Variants in SLC35F4 observed in about 807,000 individuals in gnomAD.
SLC35F4 encodes chromosome 14 open reading frame 36.
SLC35F4 carries 24 observed loss-of-function variants against 44.2 expected under a neutral mutation model. The observed-to-expected ratio is 0.54, with a 90% CI of 0.39 to 0.76. SLC35F4 has a LOEUF of 0.76. Ranked by LOEUF, SLC35F4 falls within the 30% of genes least tolerant of loss-of-function variation. The pLI is 0.00. For missense variants in SLC35F4, 562 were observed against 586.1 expected, an observed-to-expected ratio of 0.96 and a Z score of 0.42; for synonymous variants, 238 against 223.6, an observed-to-expected ratio of 1.06 and a Z score of -0.57.
At chr14:57,873,227 G>A (rs1888331197) in intron 1 of SLC35F4, among the ~76,000 whole-genome samples, 1 of 152,046 alleles carries the variant, frequency 6.6e-6, no homozygotes, top group Non-Finnish European at 1.5e-5. Context: ...AGGGTCAATT[G>A]CATTATAGTC....
intron 1 of SLC35F4, among the ~76,000 whole-genome samples, chr14:57,917,653 G>T (rs550419231): frequency 1.9e-4 from 29 of 152,130 alleles, no homozygotes; most frequent in Non-Finnish European, 1.9e-4. Context: ...CTATAGTCCT[G>T]TGATTAGGTC....
At chr14:57,734,470 A>T (rs545840327) in intron 1 of SLC35F4, among the ~76,000 whole-genome samples, 1 of 152,294 alleles carries the variant, frequency 6.6e-6, no homozygotes, top group East Asian at 1.9e-4. Context: ...TATAATTTTC[A>T]ATCTCTCTCT....
intron 1 of SLC35F4, among the ~76,000 whole-genome samples, chr14:57,785,759 G>A (rs536861608): frequency 1.8e-4 from 27 of 152,282 alleles, no homozygotes; most frequent in Admixed American, 9.2e-4. Context: ...CAGCAGAAAC[G>A]CCCTGGGAGC....
At chr14:57,686,276 C>G (rs887943543) in intron 1 of SLC35F4, among the ~76,000 whole-genome samples, 4 of 152,148 alleles carry the variant, frequency 2.6e-5, no homozygotes, top group Admixed American at 6.6e-5. Flanking sequence ...GAGTCAGTTA[C>G]TCACTTACCT....
intron 1 of SLC35F4, among the ~76,000 whole-genome samples, chr14:57,739,165 C>G (rs1015389368): frequency 1.3e-5 from 2 of 152,002 alleles, no homozygotes; most frequent in Admixed American, 1.3e-4. Flanking sequence ...AGTCTTGGGA[C>G]AGAGAGTCCT....
chr14:57,569,800 C>T lies in SLC35F4; in HGVS notation c.1114G>A (p.Gly372Arg). 6.2e-7 allele frequency: 1 copy of T among 1,600,912 alleles called. No individual in the cohort carries two copies. Among genetic ancestry groups the T allele is most frequent in the Non-Finnish European group, 8.5e-7 (1 of 1,175,300 alleles). ...LPWGCLCGMAGLWLAFNILVN... is the reference protein window; with the variant it reads ...LPWGCLCGMARLWLAFNILVN... Reference sequence around the variant, plus strand: ...CGAGGCCACTTACCCAGCCACAGCCCTGCCATCCCACAGAGACAGCCCCAT... The same window carrying T: ...CGAGGCCACTTACCCAGCCACAGCCTTGCCATCCCACAGAGACAGCCCCAT... Residue 372 changes from glycine (G) to arginine (R), a missense_variant, in exon 6 of 8, where the codon GGG becomes AGG. By Grantham distance (125) the Gly-to-Arg change is moderately radical (BLOSUM62 -2). Transcript: ENST00000556826.
At chr14:57,769,875 CA>C (rs1156414466) in intron 1 of SLC35F4, among the ~76,000 whole-genome samples, 2 of 152,152 alleles carry the variant, frequency 1.3e-5, no homozygotes, top group African/African-American at 4.8e-5. Flanking sequence ...ATTTTGATCA[CA>C]ATTTTTCACA....
At chr14:57,652,781 C>G (rs942315299) in intron 1 of SLC35F4, among the ~76,000 whole-genome samples, 1 of 152,148 alleles carries the variant, frequency 6.6e-6, no homozygotes, top group Non-Finnish European at 1.5e-5. Context: ...AAAATCCTGA[C>G]TTATGCTAAA....
chr14:57,861,759 G>A (rs1306784213), intron 1 of SLC35F4, among the ~76,000 whole-genome samples: 1 of 152,080 alleles, frequency 6.6e-6, no homozygotes, highest in Non-Finnish European at 1.5e-5. Context: ...GGCTTCCAGG[G>A]TAACACATGT....
At chr14:57,581,477 C>T (rs2069252301) in intron 3 of SLC35F4, 44 bp from the exon 4 acceptor site, 1 of 1,525,356 alleles carries the variant, frequency 6.6e-7, no homozygotes, top group South Asian at 1.2e-5. Flanking sequence ...CTGATGGTGA[C>T]ACCTCTTGTC....
At chr14:57,786,119 G>A (rs1053815854) in intron 1 of SLC35F4, among the ~76,000 whole-genome samples, 1 of 152,052 alleles carries the variant, frequency 6.6e-6, no homozygotes, top group Admixed American at 6.6e-5. Flanking sequence ...TTGCGTGGGA[G>A]CTGGGTGAGG....
chr14:57,569,011 C>A (rs1397802930), intron 6 of SLC35F4, among the ~76,000 whole-genome samples: 1 of 152,120 alleles, frequency 6.6e-6, no homozygotes, highest in East Asian at 1.9e-4. Context: ...GCTTAAAAGT[C>A]AGATCCTGGA....
intron 1 of SLC35F4, among the ~76,000 whole-genome samples, chr14:57,879,136 G>A (rs924457703): frequency 6.6e-6 from 1 of 152,120 alleles, no homozygotes; most frequent in Admixed American, 6.5e-5. Flanking sequence ...GAATTTTAGT[G>A]CAGGAAAAAC....
intron 1 of SLC35F4, among the ~76,000 whole-genome samples, chr14:57,598,851 C>T (rs1340794784): frequency 1.3e-5 from 2 of 151,726 alleles, no homozygotes; most frequent in Non-Finnish European, 2.9e-5. Flanking sequence ...ATCATGAATA[C>T]CCAGAAGCAA....
rs137867690 is a variant in SLC35F4, at chr14:57,773,987, A to G, written c.103+91736T>C. Among the ~76,000 whole-genome samples the G allele has an allele frequency of 2.9e-3, 448 of 152,316 alleles. 1 individual carries two copies. Among genetic ancestry groups the G allele is most frequent in the African/African-American group, 0.01 (419 of 41,574 alleles). On this transcript the variant is annotated intron_variant, in intron 1 of 7. Transcript: ENST00000556826. ...GAGTTCAGAAAACAAAGCAATCCAA[A>G]TAAGACCAGTATACCTTGACAATCT...
At position 57,686,946 on chromosome 14, in the gene SLC35F4, T is replaced by C. The variant is rs574546598; in HGVS notation, c.104-92822A>G. ...ATAGTATTTAGAGATAAGGTCTTTA[T>C]AGGAATAATTAGGTGAAAATGAGAT... On this transcript the variant is annotated intron_variant, in intron 1 of 7. Coordinates refer to ENST00000556826, the MANE Select transcript of SLC35F4 (RefSeq NM_001306087.2). Among the ~76,000 whole-genome samples, 26 of 142,684 alleles carry C rather than the reference T, an allele frequency of 1.8e-4. No homozygotes were observed. In the East Asian group the frequency reaches 4.9e-3, roughly 27 times the overall value. 93.6% of individuals were successfully genotyped at this position (142,684 alleles called of 152,430 possible). A position where few individuals can be genotyped will look rare whatever the true frequency, so the allele number is the denominator to read the frequency against.
Position 57,564,458 on chromosome 14 carries a change from C to T in SLC35F4, c.1217-82G>A. 2.0e-6 allele frequency: 3 copies of T among 1,500,144 alleles called. No homozygotes were observed. The South Asian group carries it at 3.8e-5, about 19-fold the overall frequency. The allele number at this position is 1,500,144 out of a possible 1,614,324, so 92.9% of individuals were successfully genotyped here. ...CAAGTCACCAAAGTCCATGTTACTT[C>T]TAGAGATTTCCAAGAGTCTTCTTTA... On this transcript the variant is annotated intron_variant, in intron 7 of 7. Coordinates refer to ENST00000556826, the MANE Select transcript of SLC35F4 (RefSeq NM_001306087.2).
intron 1 of SLC35F4, among the ~76,000 whole-genome samples, chr14:57,796,721 T>C (rs747003466): frequency 6.6e-6 from 1 of 152,176 alleles, no homozygotes; most frequent in East Asian, 1.9e-4. Context: ...TAAGTAGGCA[T>C]AGCTGGCTCC....
chr14:57,746,621 TTG>T (rs1159488632), intron 1 of SLC35F4, among the ~76,000 whole-genome samples: 1 of 149,112 alleles, frequency 6.7e-6, no homozygotes, highest in Non-Finnish European at 1.5e-5. Context: ...TGTCATATCT[TTG>T]TTAAAAAAAG....
Sources: gnomAD v4.1 joint callset for allele counts (sites outside exome capture counted in the v4.1 genomes callset) on GRCh38, gnomAD v4.1.1 for gene constraint, MANE v1.5 for transcripts, NCBI Gene and HGNC (gene_info 2026-07-23, HGNC 2026-07-21) for gene names.